ZEB1: variants seen among roughly 807,000 people sequenced by gnomAD.
ZEB1 encodes the protein zinc finger E-box binding homeobox 1, also known as zinc finger E-box-binding homeobox 1.
ZEB1 carries 21 observed loss-of-function variants against 84.9 expected under a neutral mutation model. The observed-to-expected ratio is 0.25, with a 90% CI of 0.18 to 0.36. ZEB1 has a LOEUF of 0.36. Ranked by LOEUF, ZEB1 falls within the 10% of genes least tolerant of loss-of-function variation. The pLI, the probability that ZEB1 is intolerant of heterozygous loss-of-function variation, is 1.00. For missense variants in ZEB1, 1,104 were observed against 1,330.2 expected, an observed-to-expected ratio of 0.83 and a Z score of 2.65; for synonymous variants, 420 against 471.1, an observed-to-expected ratio of 0.89 and a Z score of 1.41.
chr10:31,527,362 T>C lies in ZEB1; in HGVS notation c.*98T>C. Reference sequence around the variant, plus strand: ...AAACACAGTAACCTGTATGCTGTGATTCCTGTTCACTACTGTGTAAAGTAA... The same window carrying C: ...AAACACAGTAACCTGTATGCTGTGACTCCTGTTCACTACTGTGTAAAGTAA... On this transcript the variant is annotated 3_prime_UTR_variant, in exon 9 of 9. Coordinates refer to ENST00000424869, the MANE Select transcript of ZEB1 (RefSeq NM_001174096.2). 6.6e-7 allele frequency: 1 copy of C among 1,504,318 alleles called. No homozygotes were observed. Among genetic ancestry groups the C allele is most frequent in the Non-Finnish European group, 8.9e-7 (1 of 1,120,330 alleles). The allele number at this position is 1,504,318 out of a possible 1,614,324, so 93.2% of individuals were successfully genotyped here. A position where few individuals can be genotyped will look rare whatever the true frequency, so the allele number is the denominator to read the frequency against.
intron 1 of ZEB1, among the ~76,000 whole-genome samples, chr10:31,336,021 A>G (rs1011955305): frequency 6.6e-6 from 1 of 152,152 alleles, no homozygotes; most frequent in Non-Finnish European, 1.5e-5. Flanking sequence ...AACGTGCTCA[A>G]TATCTTTATG....
intron 1 of ZEB1, among the ~76,000 whole-genome samples, chr10:31,338,773 A>G (rs1001292232): frequency 2.0e-5 from 3 of 152,176 alleles, no homozygotes; most frequent in African/African-American, 7.2e-5. Flanking sequence ...ATCTACCCGT[A>G]ATGCACAAAT....
chr10:31,419,586 G>A (rs2055798612), intron 1 of ZEB1, among the ~76,000 whole-genome samples: 3 of 152,138 alleles, frequency 2.0e-5, no homozygotes, highest in Non-Finnish European at 4.4e-5. Context: ...TTAGCTGAAT[G>A]ATGACTAGAT....
At chr10:31,363,794 C>T (rs2043872890) in intron 1 of ZEB1, 1 of 1,327,152 alleles carries the variant, frequency 7.5e-7, no homozygotes, top group South Asian at 1.3e-5. Flanking sequence ...TGTGGGGTGC[C>T]CGTGTTCCGA....
chr10:31,469,988 C>A (rs1246563955), intron 2 of ZEB1, among the ~76,000 whole-genome samples: 1 of 152,150 alleles, frequency 6.6e-6, no homozygotes, highest in African/African-American at 2.4e-5. Flanking sequence ...TCCAACAGAC[C>A]TACAGCTGAG....
At chr10:31,360,190 A>C (rs7091882) in intron 1 of ZEB1, among the ~76,000 whole-genome samples, 37,718 of 152,044 alleles carry the variant, frequency 0.25, 10,347 homozygotes, top group African/African-American at 0.68. Context: ...CCTTTATGCC[A>C]TAGTCTCTTT....
intron 1 of ZEB1, among the ~76,000 whole-genome samples, chr10:31,446,680 C>T (rs1272464202): frequency 1.3e-5 from 2 of 152,242 alleles, no homozygotes; most frequent in Middle Eastern, 3.4e-3. Flanking sequence ...ACCCAGTAGT[C>T]ATTCAGGAGC....
intron 1 of ZEB1, among the ~76,000 whole-genome samples, chr10:31,418,507 T>A (rs532821523): frequency 6.6e-6 from 1 of 152,224 alleles, no homozygotes; most frequent in African/African-American, 2.4e-5. Context: ...TTCTTAAGAA[T>A]TTTAAAATTT....
chr10:31,472,907 C>A (rs1469318552), intron 2 of ZEB1, among the ~76,000 whole-genome samples: 2 of 124,944 alleles, frequency 1.6e-5, no homozygotes, highest in Non-Finnish European at 3.0e-5. Context: ...GTTCAATATA[C>A]CCAAATCAAT....
chr10:31,523,251 G>A (rs1432290014), intron 7 of ZEB1, among the ~76,000 whole-genome samples: 5 of 152,200 alleles, frequency 3.3e-5, no homozygotes, highest in Non-Finnish European at 5.9e-5. Flanking sequence ...ACATAAGAAC[G>A]TGCTGCCCAA....
chr10:31,489,945 G>A (rs929839505), intron 2 of ZEB1, among the ~76,000 whole-genome samples: 3 of 151,228 alleles, frequency 2.0e-5, no homozygotes, highest in East Asian at 3.9e-4. Flanking sequence ...TTTTACCTTC[G>A]TTTTTTAAAG....
intron 1 of ZEB1, among the ~76,000 whole-genome samples, chr10:31,411,153 T>C (rs2135778324): frequency 6.6e-6 from 1 of 152,214 alleles, no homozygotes. Flanking sequence ...AGAACGGAAA[T>C]CATAACAGTA....
At chr10:31,472,497 G>T (rs1591634658) in intron 2 of ZEB1, among the ~76,000 whole-genome samples, 1 of 151,276 alleles carries the variant, frequency 6.6e-6, no homozygotes, top group Admixed American at 6.6e-5. Context: ...ACTCTCCCAA[G>T]ACTAAACCAG....
At chr10:31,361,186 C>T (rs1242767047) in intron 1 of ZEB1, 2 of 1,611,780 alleles carry the variant, frequency 1.2e-6, no homozygotes, top group East Asian at 2.2e-5. Flanking sequence ...AAAAGACCAT[C>T]CTGCTCTCAA....
At chr10:31,430,193 T>G (rs1271701813) in intron 1 of ZEB1, among the ~76,000 whole-genome samples, 1 of 152,210 alleles carries the variant, frequency 6.6e-6, no homozygotes. Flanking sequence ...CGTAGGCAAT[T>G]TAAGATTTCG....
At chr10:31,519,292 T>C (rs577662427) in intron 6 of ZEB1, among the ~76,000 whole-genome samples, 35 of 152,266 alleles carry the variant, frequency 2.3e-4, no homozygotes, top group African/African-American at 7.9e-4. Flanking sequence ...GCTCGGTGCT[T>C]TCAAAATTTT....
chr10:31,326,160 G>A (rs2035448804), intron 1 of ZEB1, among the ~76,000 whole-genome samples: 1 of 152,018 alleles, frequency 6.6e-6, no homozygotes. Context: ...AGACTTTAAT[G>A]TGTGTTTTAA....
intron 1 of ZEB1, among the ~76,000 whole-genome samples, chr10:31,371,017 C>A (rs1488476010): frequency 1.3e-5 from 2 of 151,988 alleles, no homozygotes; most frequent in African/African-American, 4.8e-5. Context: ...CCATGCCTGG[C>A]CAAATTGTAA....
rs1214922775 is a variant in ZEB1 at position 31,478,530 on chromosome 10, A to G, written c.260-17246A>G. On this transcript the variant is annotated intron_variant, in intron 2 of 8. Coordinates refer to ENST00000424869, the MANE Select transcript of ZEB1 (RefSeq NM_001174096.2). Reference sequence around the variant, plus strand: ...TCTACCCAAAGGAAAAGAAATCATTATATAAGAAAGACACCTTTATGTATG... The same window carrying G: ...TCTACCCAAAGGAAAAGAAATCATTGTATAAGAAAGACACCTTTATGTATG... Among the ~76,000 whole-genome samples the G allele has an allele frequency of 3.3e-5, 5 of 151,934 alleles. No homozygotes were observed. The East Asian group carries it at 9.6e-4, about 29-fold the overall frequency.
Sources: gnomAD v4.1 joint callset for allele counts (sites outside exome capture counted in the v4.1 genomes callset) on GRCh38, gnomAD v4.1.1 for gene constraint, MANE v1.5 for transcripts, NCBI Gene and HGNC (gene_info 2026-07-23, HGNC 2026-07-21) for gene names.